Variants in RIMS2 observed in about 807,000 individuals in gnomAD.
The protein encoded by RIMS2 is regulating synaptic membrane exocytosis 2.
RIMS2 carries 59 observed loss-of-function variants against 174.4 expected under a neutral mutation model. The observed-to-expected ratio is 0.34, with a 90% CI of 0.27 to 0.42. The LOEUF is 0.42. Among genes scored for constraint, RIMS2 ranks in the 10% least tolerant of loss-of-function variants. The pLI, the probability that RIMS2 is intolerant of heterozygous loss-of-function variation, is 1.00. For synonymous variants in RIMS2, 606 were observed against 572.5 expected, an observed-to-expected ratio of 1.06 and a Z score of -0.84; for missense variants, 1,620 against 1,666.3, an observed-to-expected ratio of 0.97 and a Z score of 0.48.
intron 15 of RIMS2, among the ~76,000 whole-genome samples, chr8:103,973,780 A>G (rs2093151645): frequency 6.6e-6 from 1 of 152,316 alleles, no homozygotes; most frequent in Non-Finnish European, 1.5e-5. Context: ...TTTACATTCA[A>G]CTGCAATTAT....
intron 2 of RIMS2, among the ~76,000 whole-genome samples, chr8:103,698,807 T>C (rs2097136384): frequency 6.6e-6 from 1 of 152,204 alleles, no homozygotes; most frequent in Non-Finnish European, 1.5e-5. Flanking sequence ...TTTGCTTCTA[T>C]ATTCATGAGG....
At chr8:104,043,560 G>A (rs1286581865) in intron 19 of RIMS2, among the ~76,000 whole-genome samples, 1 of 151,616 alleles carries the variant, frequency 6.6e-6, no homozygotes, top group African/African-American at 2.4e-5. Flanking sequence ...GTTAAATCAT[G>A]TTTTCATGTG....
At chr8:103,532,661 A>G (rs1305324709) in intron 1 of RIMS2, among the ~76,000 whole-genome samples, 1 of 152,238 alleles carries the variant, frequency 6.6e-6, no homozygotes, top group Non-Finnish European at 1.5e-5. Context: ...GACAGTGACT[A>G]TATGTGGCAC....
chr8:104,000,756 C>T (rs1207610798), intron 17 of RIMS2, among the ~76,000 whole-genome samples: 2 of 151,752 alleles, frequency 1.3e-5, no homozygotes, highest in African/African-American at 4.8e-5. Flanking sequence ...GGCATTTTAA[C>T]CTGGGTGAAA....
At chr8:103,828,345 A>G (rs189595643) in intron 3 of RIMS2, among the ~76,000 whole-genome samples, 57 of 152,278 alleles carry the variant, frequency 3.7e-4, no homozygotes, top group African/African-American at 1.3e-3. Context: ...GAAAATCTTG[A>G]TAAAGTATTC....
chr8:103,779,203 T>C (rs1291365583), intron 3 of RIMS2, among the ~76,000 whole-genome samples: 1 of 152,182 alleles, frequency 6.6e-6, no homozygotes, highest in Non-Finnish European at 1.5e-5. Flanking sequence ...GGGTTGTCTC[T>C]TCATTTTGTT....
At chr8:104,127,832 T>C (rs2098444383) in intron 19 of RIMS2, among the ~76,000 whole-genome samples, 1 of 152,152 alleles carries the variant, frequency 6.6e-6, no homozygotes, top group African/African-American at 2.4e-5. Context: ...GTACTACTAA[T>C]TTAACATTAC....
intron 2 of RIMS2, among the ~76,000 whole-genome samples, chr8:103,715,514 C>T (rs7824485): frequency 0.18 from 26,767 of 152,144 alleles, 2,560 homozygotes; most frequent in African/African-American, 0.23. Flanking sequence ...TCTCAAAACA[C>T]ATGATTTTGG....
At chr8:103,626,769 A>G (rs1011019741) in intron 1 of RIMS2, among the ~76,000 whole-genome samples, 4 of 152,026 alleles carry the variant, frequency 2.6e-5, no homozygotes, top group East Asian at 1.9e-4. Context: ...TGGTAGGACC[A>G]TGATGGCGAC....
intron 14 of RIMS2, among the ~76,000 whole-genome samples, chr8:103,954,776 G>C (rs889218562): frequency 6.6e-6 from 1 of 151,980 alleles, no homozygotes; most frequent in Admixed American, 6.6e-5. Flanking sequence ...AGGAGACAGA[G>C]ACACGAAAAA....
At chr8:103,869,075 A>G (rs954190950) in intron 3 of RIMS2, among the ~76,000 whole-genome samples, 4 of 152,042 alleles carry the variant, frequency 2.6e-5, no homozygotes, top group Non-Finnish European at 4.4e-5. Context: ...TTTCCCTGAT[A>G]TATGCATTTC....
chr8:104,223,838 A>G (rs957297124), intron 19 of RIMS2: 24 of 1,531,092 alleles, frequency 1.6e-5, no homozygotes, highest in Middle Eastern at 1.7e-4. Context: ...ATCTGTTTAG[A>G]AAGTCGGTGG....
intron 19 of RIMS2, among the ~76,000 whole-genome samples, chr8:104,205,817 A>G (rs1332467567): frequency 6.6e-6 from 1 of 151,278 alleles, no homozygotes; most frequent in Non-Finnish European, 1.5e-5. Context: ...GTGCTGTGAC[A>G]TGATCTCGGC....
At chr8:103,707,431 T>C (rs1047881749) in intron 2 of RIMS2, among the ~76,000 whole-genome samples, 1 of 152,032 alleles carries the variant, frequency 6.6e-6, no homozygotes, top group South Asian at 2.1e-4. Flanking sequence ...CCAATAATTG[T>C]TAAGGGTACT....
chr8:103,889,293 T>A (rs545120427), intron 4 of RIMS2, among the ~76,000 whole-genome samples: 2 of 147,208 alleles, frequency 1.4e-5, no homozygotes, highest in East Asian at 3.9e-4. Flanking sequence ...ACAAACCAAC[T>A]TTTAAAAAAT....
At chr8:104,087,242 C>A (rs2097551255) in intron 19 of RIMS2, among the ~76,000 whole-genome samples, 1 of 152,010 alleles carries the variant, frequency 6.6e-6, no homozygotes, top group Non-Finnish European at 1.5e-5. Context: ...CATTGAGTTG[C>A]TTCTAAATGC....
At chr8:103,691,605 C>A (rs958201835) in intron 1 of RIMS2, among the ~76,000 whole-genome samples, 1 of 152,142 alleles carries the variant, frequency 6.6e-6, no homozygotes, top group Non-Finnish European at 1.5e-5. Context: ...TCTTGAATTT[C>A]ATTGAGCTCC....
intron 1 of RIMS2, among the ~76,000 whole-genome samples, chr8:103,532,833 A>G (rs1837850379): frequency 6.6e-6 from 1 of 152,222 alleles, no homozygotes; most frequent in Non-Finnish European, 1.5e-5. Context: ...AGTACATATC[A>G]TGTCAAATAA....
At chr8:103,594,603 G>C (rs10098555) in intron 1 of RIMS2, among the ~76,000 whole-genome samples, 27,606 of 151,588 alleles carry the variant, frequency 0.18, 2,758 homozygotes, top group African/African-American at 0.26. Flanking sequence ...TATACAACAC[G>C]TAAATGGTCT....
Sources: allele counts gnomAD v4.1 joint callset (sites outside exome capture counted in the v4.1 genomes callset), GRCh38; gene constraint gnomAD v4.1.1; transcripts MANE v1.5; gene names NCBI Gene and HGNC (gene_info 2026-07-23, HGNC 2026-07-21).